The following ARHGEF18 variants were observed in gnomAD, a reference collection of about 807,000 sequenced individuals.
The protein encoded by ARHGEF18 is rho guanine nucleotide exchange factor 18.
In ARHGEF18, 93 loss-of-function variants were observed where a neutral mutation model predicts 155.7. The ratio of observed to expected loss-of-function variants is 0.60; its 90% CI spans 0.50 to 0.71. The LOEUF (loss-of-function observed/expected upper bound fraction) is 0.71, where lower values mean the gene tolerates loss of function less well. Among genes scored for constraint, ARHGEF18 ranks in the 30% least tolerant of loss-of-function variants. ARHGEF18 has a pLI of 0.00. For synonymous variants in ARHGEF18, 742 were observed against 753.1 expected (o/e 0.99, Z 0.24); for missense variants, 1,593 against 1,816.1 (o/e 0.88, Z 2.23).
chr19:7,411,299 T>TCCCC (rs1568309357), intron 10 of ARHGEF18, among the ~76,000 whole-genome samples: 2 of 67,434 alleles, frequency 3.0e-5, no homozygotes, highest in Admixed American at 2.0e-4. Context: ...TCCCCTCCCC[T>TCCCC]TCCCTTTTCT....
In ARHGEF18 at chr19:7,409,728, C is replaced by T. The variant is rs534529640; in HGVS notation, c.967+26525C>T. Reference sequence around the variant, plus strand: ...GAGTGTTGGGATTACAGGCGTGAGCCATCGCGCCTGGCCTGTGAGGGGTTT... The same window carrying T: ...GAGTGTTGGGATTACAGGCGTGAGCTATCGCGCCTGGCCTGTGAGGGGTTT... On this transcript the variant is annotated intron_variant, in intron 10 of 28. Coordinates refer to ENST00000668164, the MANE Select transcript of ARHGEF18 (RefSeq NM_001367823.1). 6.6e-5 allele frequency among the ~76,000 whole-genome samples: 10 copies of T among 151,570 alleles called. No homozygotes were observed. The South Asian group carries it at 1.7e-3, about 25-fold the overall frequency.
rs1177605924 is a variant in ARHGEF18 at position 7,459,919 on chromosome 19, G to A, written c.2377G>A (p.Glu793Lys). 2 of 1,582,120 alleles carry A rather than the reference G, an allele frequency of 1.3e-6. No homozygotes were observed. The highest frequency in any genetic ancestry group is 1.7e-6 in the Non-Finnish European group (2 of 1,164,096). ...RAVESCPDEE[E>K]GPFSLPEEER... ...TCCCTGCAGCTGCCCTGACGAGGAGGAGGGGCCCTTCAGCCTGCCCGAAGA... is the reference window on the plus strand; with the variant it reads ...TCCCTGCAGCTGCCCTGACGAGGAGAAGGGGCCCTTCAGCCTGCCCGAAGA... Residue 793 changes from glutamate to lysine, a missense_variant, in exon 20 of 29, where the codon GAG becomes AAG. Coordinates refer to ENST00000668164, the MANE Select transcript of ARHGEF18 (RefSeq NM_001367823.1).
At position 7,378,403 on chromosome 19, in the gene ARHGEF18, C is replaced by T; in HGVS notation, c.551C>T (p.Pro184Leu). 6 of 1,234,422 alleles carry T rather than the reference C, an allele frequency of 4.9e-6. No individual in the cohort carries two copies. Among genetic ancestry groups the T allele is most frequent in the Non-Finnish European group, 6.1e-6 (6 of 988,272 alleles). 76.5% of individuals were successfully genotyped at this position (1,234,422 alleles called of 1,614,324 possible). A position where few individuals can be genotyped will look rare whatever the true frequency, so the allele number is the denominator to read the frequency against. Reference protein sequence around the residue: ...VPTPPVQGLEPPVLECMEKDH... With the variant: ...VPTPPVQGLELPVLECMEKDH... Reference sequence around the variant, plus strand: ...GGGGGGCTTCTTCCAGGCCTGGAACCTCCAGTGCTGGAGTGCATGGAAAAA... The same window carrying T: ...GGGGGGCTTCTTCCAGGCCTGGAACTTCCAGTGCTGGAGTGCATGGAAAAA... Residue 184 changes from proline (P) to leucine (L), a missense_variant, in exon 6 of 29, where the codon CCT (proline) becomes CTT (leucine). Physicochemically the swap from Pro to Leu is moderately conservative, Grantham distance 98. Transcript: ENST00000668164.
chr19:7,458,074 C>T (rs900865801), intron 18 of ARHGEF18, among the ~76,000 whole-genome samples: 1 of 151,862 alleles, frequency 6.6e-6, no homozygotes, highest in Admixed American at 6.6e-5. Context: ...ATCACTTGAG[C>T]CTAGGACTTC....
chr19:7,366,869 C>T (rs1439682754), intron 2 of ARHGEF18, among the ~76,000 whole-genome samples: 1 of 151,898 alleles, frequency 6.6e-6, no homozygotes, highest in Non-Finnish European at 1.5e-5. Flanking sequence ...CTCAAGCAAC[C>T]CTCCCACCTC....
chr19:7,382,382 G>C (rs1358343110), intron 8 of ARHGEF18, among the ~76,000 whole-genome samples: 1 of 145,954 alleles, frequency 6.9e-6, no homozygotes, highest in African/African-American at 2.5e-5. Flanking sequence ...GTGACAGAGT[G>C]AGACTCTGTC....
At chr19:7,477,445 C>A, downstream of ARHGEF18, 1 of 1,422,914 alleles carries the variant, frequency 7.0e-7, no homozygotes, top group Non-Finnish European at 9.2e-7. Flanking sequence ...GGCTGTGGGG[C>A]AGAGAGGGGC....
intron 7 of ARHGEF18, among the ~76,000 whole-genome samples, 169 bp from the exon 8 acceptor site, chr19:7,380,748 C>T (rs1970697244): frequency 6.6e-6 from 1 of 152,166 alleles, no homozygotes; most frequent in Non-Finnish European, 1.5e-5. Context: ...CACATTACTG[C>T]CCTCTGCTGG....
chr19:7,418,686 G>T (rs1022978267), intron 10 of ARHGEF18, among the ~76,000 whole-genome samples: 1 of 152,088 alleles, frequency 6.6e-6, no homozygotes, highest in Non-Finnish European at 1.5e-5. Context: ...GGAGGTGGGG[G>T]TTTGAGCCCG....
At chr19:7,425,125 C>T (rs1178133802) in intron 10 of ARHGEF18, among the ~76,000 whole-genome samples, 1 of 152,042 alleles carries the variant, frequency 6.6e-6, no homozygotes, top group Non-Finnish European at 1.5e-5. Flanking sequence ...GAGTTTGTAC[C>T]ACATTTGTAC....
At chr19:7,464,210 G>T (rs543342679) in intron 22 of ARHGEF18, among the ~76,000 whole-genome samples, 1 of 152,106 alleles carries the variant, frequency 6.6e-6, no homozygotes, top group East Asian at 1.9e-4. Flanking sequence ...GCTACTTTTT[G>T]TATTTTTAGT....
intron 10 of ARHGEF18, among the ~76,000 whole-genome samples, chr19:7,417,469 G>A (rs1003665790): frequency 3.3e-5 from 5 of 152,152 alleles, no homozygotes; most frequent in African/African-American, 4.8e-5. Flanking sequence ...AGACCAAGGC[G>A]GGCAGATCAC....
At chr19:7,389,152 ATTTT>A (rs1285345338) in intron 10 of ARHGEF18, among the ~76,000 whole-genome samples, 1 of 118,188 alleles carries the variant, frequency 8.5e-6, no homozygotes, top group East Asian at 2.3e-4. Context: ...CACCAGGCTA[ATTTT>A]TTTTTTTTTT....
At position 7,444,429 on chromosome 19, in the gene ARHGEF18, A is replaced by G. The variant is rs1974868224; in HGVS notation, c.1586A>G (p.Lys529Arg). 6.2e-7 allele frequency: 1 copy of G among 1,613,508 alleles called. No homozygotes were observed. The highest frequency in any genetic ancestry group is 1.3e-5 in the African/African-American group (1 of 74,922). The change falls in exon 14 of 29, where the codon AAA becomes AGA. Residue 529 changes from lysine to arginine, a missense_variant. Physicochemically the swap from Lys to Arg is conservative, Grantham distance 26 (BLOSUM62 2). Coordinates refer to ENST00000668164, the MANE Select transcript of ARHGEF18 (RefSeq NM_001367823.1). The surrounding 1 kb of genome is among the most constrained non-coding windows in gnomAD (Gnocchi z 4.7). ...AGTGACCGGAATTATGTCATCCAGA[A>G]AATCGGCGACCTCCTGGTTCAGCAG... ...EGSDRNYVIQKIGDLLVQQFS... is the reference protein window; with the variant it reads ...EGSDRNYVIQRIGDLLVQQFS...
At chr19:7,408,202 C>T (rs1030047614) in intron 10 of ARHGEF18, among the ~76,000 whole-genome samples, 2 of 151,962 alleles carry the variant, frequency 1.3e-5, no homozygotes, top group Admixed American at 6.6e-5. Context: ...TGCTTGAACT[C>T]GGGAGGTTGA....
At chr19:7,420,131 T>C (rs1167134524) in intron 10 of ARHGEF18, among the ~76,000 whole-genome samples, 2 of 152,130 alleles carry the variant, frequency 1.3e-5, no homozygotes, top group Non-Finnish European at 2.9e-5. Context: ...TCTCTCTATA[T>C]ATTTTAGAGA....
intron 10 of ARHGEF18, among the ~76,000 whole-genome samples, chr19:7,405,453 A>G (rs1157182809): frequency 2.0e-5 from 3 of 152,138 alleles, no homozygotes; most frequent in Non-Finnish European, 4.4e-5. Flanking sequence ...TCGAAATTTC[A>G]TCCCGAGATC....
intron 10 of ARHGEF18, among the ~76,000 whole-genome samples, chr19:7,430,695 C>G (rs1973906701): frequency 1.3e-5 from 2 of 152,080 alleles, no homozygotes; most frequent in Admixed American, 1.3e-4. Context: ...GTCCCAGCCA[C>G]TTGGGAAGCT....
intron 15 of ARHGEF18, among the ~76,000 whole-genome samples, chr19:7,449,983 T>C (rs1457255726): frequency 1.3e-5 from 2 of 152,194 alleles, no homozygotes; most frequent in African/African-American, 2.4e-5. Context: ...TGTCCTTTGG[T>C]GGCCTTTGTA....
Sources: gnomAD v4.1 joint callset for allele counts (sites outside exome capture counted in the v4.1 genomes callset) on GRCh38, gnomAD v4.1.1 for gene constraint, Gnocchi (gnomAD v3.1) non-coding constraint, MANE v1.5 for transcripts, NCBI Gene and HGNC (gene_info 2026-07-23, HGNC 2026-07-21) for gene names.